The following SYK variants were observed in gnomAD, a reference collection of about 807,000 sequenced individuals.
SYK encodes the protein tyrosine-protein kinase SYK.
Under a neutral mutation model 77.8 loss-of-function variants are expected in SYK, and 16 were observed. The ratio of observed to expected loss-of-function variants is 0.21; its 90% CI spans 0.14 to 0.31. The LOEUF is 0.31. Ranked by LOEUF, SYK falls within the 10% of genes least tolerant of loss-of-function variation. SYK has a pLI of 1.00. For synonymous variants in SYK, 312 were observed against 308.7 expected (o/e 1.01, Z -0.11); for missense variants, 529 against 814.4 (o/e 0.65, Z 4.26).
intron 1 of SYK, among the ~76,000 whole-genome samples, chr9:90,808,851 G>A (rs977070649): frequency 2.6e-5 from 4 of 152,174 alleles, no homozygotes; most frequent in Non-Finnish European, 5.9e-5. Flanking sequence ...CAGGGGGACT[G>A]TGATTGCCCC....
chr9:90,874,944 C>CT (rs1827871770), intron 9 of SYK, 95 bp downstream of exon 9: 3 of 1,387,050 alleles, frequency 2.2e-6, no homozygotes, highest in Non-Finnish European at 3.0e-6. Context: ...TGACTAAACC[C>CT]TTTTTTTATT....
chr9:90,822,417 T>G (rs868571415), intron 1 of SYK, among the ~76,000 whole-genome samples: 24 of 152,238 alleles, frequency 1.6e-4, no homozygotes, highest in Non-Finnish European at 2.6e-4. Flanking sequence ...AGCAGTCTCA[T>G]CAATGTGATA....
rs1350050132 is a variant in SYK at position 90,888,560 on chromosome 9, C to A, written c.1768C>A (p.Arg590=). Residue 590 remains arginine, a synonymous_variant, in exon 13 of 14, where the codon CGG becomes AGG. Coordinates refer to ENST00000375754, the MANE Select transcript of SYK (RefSeq NM_003177.7). ...EVTAMLEKGE[R]MGCPAGCPRE... ...CACCGCTATGTTAGAGAAAGGAGAG[C>A]GGATGGGGTGCCCTGCAGGGTGTCC... 6.2e-7 allele frequency: 1 copy of A among 1,612,608 alleles called. No individual in the cohort carries two copies. The highest frequency in any genetic ancestry group is 8.5e-7 in the Non-Finnish European group (1 of 1,179,570).
rs541525343 is a variant in SYK, at chr9:90,844,166, C to A, written c.268C>A (p.His90Asn). ...CCATGCCAGCCCCGCCGACCTCTGC[C>A]ACTACCACTCCCAGGAGTCTGATGG... Reference protein sequence around the residue: ...RTHASPADLCHYHSQESDGLV... With the variant: ...RTHASPADLCNYHSQESDGLV... The change falls in exon 2 of 14, where the codon CAC (histidine) becomes AAC (asparagine). Residue 90 changes from histidine (H) to asparagine (N), a missense_variant. By Grantham distance (68) the His-to-Asn change is moderately conservative (BLOSUM62 1). Around this residue, in one of 2 missense-constraint regions of SYK, gnomAD observed 321 missense variants for 433.1 expected, o/e 0.74. Coordinates refer to ENST00000375754, the MANE Select transcript of SYK (RefSeq NM_003177.7). 33 of 1,614,240 alleles carry A rather than the reference C, an allele frequency of 2.0e-5. No individual in the cohort carries two copies. In the East Asian group the frequency reaches 7.4e-4, roughly 36 times the overall value.
In SYK at chr9:90,877,769, G is replaced by T. The variant is rs770526378; in HGVS notation, c.1380G>T (p.Leu460Phe). 1 of 1,614,190 alleles carries T rather than the reference G, an allele frequency of 6.2e-7. No homozygotes were observed. Residue 460 changes from leucine (L) to phenylalanine (F), a missense_variant, in exon 10 of 14, where the codon TTG becomes TTT. Leu to Phe is a conservative substitution (Grantham distance 22). This residue lies in a region of SYK where 208 missense variants were observed against 381.3 expected (regional missense o/e 0.55). Transcript: ENST00000375754. ...AACTTGGTCCCCTCAATAAGTATTT[G>T]CAGCAGAACAGGTATTGTCAGGTGC... ...MAELGPLNKY[L>F]QQNRHVKDKN...
In SYK at chr9:90,879,054, G is replaced by C. The variant is rs1828050519; in HGVS notation, c.1581+101G>C. On this transcript the variant is annotated intron_variant, in intron 11 of 13. Transcript: ENST00000375754. ...ATTATTGGTATGGTTTCAAAAAGCAGTTTTGCTACTGAAAAATAACTATGT... is the reference window on the plus strand; with the variant it reads ...ATTATTGGTATGGTTTCAAAAAGCACTTTTGCTACTGAAAAATAACTATGT... 3.5e-5 allele frequency: 30 copies of C among 848,380 alleles called. No homozygotes were observed. In the South Asian group the frequency reaches 5.5e-4, roughly 16 times the overall value. 52.6% of individuals were successfully genotyped at this position (848,380 alleles called of 1,614,324 possible).
At chr9:90,825,400 T>A (rs167078) in intron 1 of SYK, among the ~76,000 whole-genome samples, 22,521 of 152,082 alleles carry the variant, frequency 0.15, 2,002 homozygotes, top group East Asian at 0.44. Flanking sequence ...AGGTAAAAGA[T>A]CTAGAATACC....
chr9:90,807,364 G>T (rs12553524), intron 1 of SYK, among the ~76,000 whole-genome samples: 35,342 of 152,142 alleles, frequency 0.23, 4,171 homozygotes, highest in Middle Eastern at 0.35. Context: ...CTGCCTCAAA[G>T]TGACATTTAT....
In SYK at chr9:90,827,737, T is replaced by G. The variant is rs796247578; in HGVS notation, c.-41-16121T>G. ...TTCTTCCACTGAGCACATGTCCATC[T>G]TGAGCTGGAAGGTTTAGCGGTTTGC... On this transcript the variant is annotated intron_variant, in intron 1 of 13. Coordinates refer to ENST00000375754, the MANE Select transcript of SYK (RefSeq NM_003177.7). 2.6e-5 allele frequency among the ~76,000 whole-genome samples: 4 copies of G among 152,370 alleles called. 1 individual carries two copies. Among genetic ancestry groups the G allele is most frequent in the African/African-American group, 9.6e-5 (4 of 41,594 alleles).
At position 90,862,211 on chromosome 9, in the gene SYK, G is replaced by C. The variant is rs1276980680; in HGVS notation, c.584G>C (p.Arg195Pro). ...AGTTCCATCCTCTCTTCTAGGATCC[G>C]AGCCAGAGACAACAACGGCTCCTAC... ...GSKTNGKFLI[R>P]ARDNNGSYAL... Residue 195 changes from arginine to proline, a missense_variant, in exon 4 of 14, where the codon CGA becomes CCA. By Grantham distance (103) the Arg-to-Pro change is moderately radical. Coordinates refer to ENST00000375754, the MANE Select transcript of SYK (RefSeq NM_003177.7). The C allele has an allele frequency of 6.2e-7, 1 of 1,611,666 alleles. No homozygotes were observed. Among genetic ancestry groups the C allele is most frequent in the Non-Finnish European group, 8.5e-7 (1 of 1,178,490 alleles).
rs2119011631 is a variant in SYK at position 90,895,431 on chromosome 9, G to A, written c.1836-97G>A. ...AGGCCCTAGAGTTAGCCACCAGGGA[G>A]CAGCACCACTGGTACTCAGCCTGCA... is the stretch of plus-strand genomic sequence containing the variant. On this transcript the variant is annotated intron_variant, in intron 13 of 13. Transcript: ENST00000375754. The surrounding 1 kb of genome is among the most constrained non-coding windows in gnomAD (Gnocchi z 4.4). 2.3e-6 allele frequency: 3 copies of A among 1,283,520 alleles called. No homozygotes were observed. Among genetic ancestry groups the A allele is most frequent in the South Asian group, 1.2e-5 (1 of 81,282 alleles). The allele number at this position is 1,283,520 out of a possible 1,614,324, so 79.5% of individuals were successfully genotyped here.
In SYK at chr9:90,895,942, A is replaced by T. The variant is rs199927091; in HGVS notation, c.*342A>T. The T allele has an allele frequency of 7.3e-5, 25 of 341,238 alleles. No homozygotes were observed. The South Asian group carries it at 1.1e-3, about 14-fold the overall frequency. The allele number at this position is 341,238 out of a possible 1,614,324, so 21.1% of individuals were successfully genotyped here. On this transcript the variant is annotated 3_prime_UTR_variant, in exon 14 of 14. Coordinates refer to ENST00000375754, the MANE Select transcript of SYK (RefSeq NM_003177.7). This position sits in a 1 kb window ranked among gnomAD's most constrained non-coding sequence, Gnocchi z 4.4. The stretch of plus-strand genomic sequence containing the variant: ...GGGTCCCGGGGTGCATTTGTTACTC[A>T]TCGGGCCCAGGGACATTGCAGAGTG...
chr9:90,839,207 C>A (rs983313659), intron 1 of SYK, among the ~76,000 whole-genome samples: 1 of 152,182 alleles, frequency 6.6e-6, no homozygotes, highest in East Asian at 1.9e-4. Context: ...CACAGGAACA[C>A]CATGGACATT....
intron 1 of SYK, among the ~76,000 whole-genome samples, chr9:90,821,637 A>G (rs867263659): frequency 6.6e-6 from 1 of 152,220 alleles, no homozygotes; most frequent in Non-Finnish European, 1.5e-5. Context: ...GACACAGCCA[A>G]ACCATATCAC....
chr9:90,884,839 A>G lies in SYK; in HGVS notation c.1582-2910A>G, dbSNP rs577410352. Among the ~76,000 whole-genome samples the G allele has an allele frequency of 5.2e-5, 3 of 58,220 alleles. No homozygotes were observed. In the East Asian group the frequency reaches 1.8e-3, roughly 34 times the overall value. 38.2% of individuals were successfully genotyped at this position (58,220 alleles called of 152,430 possible). A position where few individuals can be genotyped will look rare whatever the true frequency, so the allele number is the denominator to read the frequency against. On this transcript the variant is annotated intron_variant, in intron 11 of 13. Coordinates refer to ENST00000375754, the MANE Select transcript of SYK (RefSeq NM_003177.7). Reference sequence around the variant, plus strand: ...CACATATACACATATGTGTGTATATACATATACACACATATGTGTGTATAT... The same window carrying G: ...CACATATACACATATGTGTGTATATGCATATACACACATATGTGTGTATAT...
rs1297182167 is a variant in SYK at position 90,898,145 on chromosome 9, CA to C, written c.*2546del. 4.3e-6 allele frequency: 1 copy of C among 229,972 alleles called. No homozygotes were observed. The highest frequency in any genetic ancestry group is 5.7e-5 in the Admixed American group (1 of 17,680). The allele number at this position is 229,972 out of a possible 1,614,324, so 14.2% of individuals were successfully genotyped here. On this transcript the variant is annotated 3_prime_UTR_variant, in exon 14 of 14. Coordinates refer to ENST00000375754, the MANE Select transcript of SYK (RefSeq NM_003177.7). ...TCTTTAGCAGGTAACAAAGGAGCAT[CA>C]GGGGCAGGCTGCCCTGGTGGCATCA...
intron 10 of SYK, among the ~76,000 whole-genome samples, chr9:90,878,229 T>G (rs1012025904): frequency 6.6e-6 from 1 of 152,250 alleles, no homozygotes; most frequent in African/African-American, 2.4e-5. Flanking sequence ...CACTGCTAAT[T>G]GATTACATCC....
In SYK at chr9:90,884,252, T is replaced by C. The variant is rs1249725163; in HGVS notation, c.1582-3497T>C. 3.9e-4 allele frequency among the ~76,000 whole-genome samples: 18 copies of C among 45,830 alleles called. 2 individuals carry two copies. Among genetic ancestry groups the C allele is most frequent in the African/African-American group, 2.3e-3 (17 of 7,480 alleles). 30.1% of individuals were successfully genotyped at this position (45,830 alleles called of 152,430 possible). ...ATACACATACGTGTATATATACACA[T>C]ACACATACACATACGTGTATATATA... On this transcript the variant is annotated intron_variant, in intron 11 of 13. Coordinates refer to ENST00000375754, the MANE Select transcript of SYK (RefSeq NM_003177.7).
At chr9:90,814,424 G>A (rs991081140) in intron 1 of SYK, among the ~76,000 whole-genome samples, 1 of 152,186 alleles carries the variant, frequency 6.6e-6, no homozygotes, top group African/African-American at 2.4e-5. Flanking sequence ...TCAGTTCTCA[G>A]TCACACAGGC....
Sources: allele counts gnomAD v4.1 joint callset (sites outside exome capture counted in the v4.1 genomes callset), GRCh38; gene constraint gnomAD v4.1.1; regional missense constraint gnomAD v4.1.1; non-coding constraint Gnocchi (gnomAD v3.1); transcripts MANE v1.5; gene names NCBI Gene and HGNC (gene_info 2026-07-23, HGNC 2026-07-21).